TNR: variants seen among roughly 807,000 people sequenced by gnomAD.
TNR encodes the protein tenascin R.
In TNR, 45 loss-of-function variants were observed where a neutral mutation model predicts 150.4. The ratio of observed to expected loss-of-function variants is 0.30; its 90% confidence interval spans 0.24 to 0.38. The LOEUF (loss-of-function observed/expected upper bound fraction) is 0.38. TNR is among the 10% of genes least tolerant of loss of function. The probability of loss-of-function intolerance (pLI) is 1.00; values close to 1 mark genes in which losing one functional copy is unlikely to be tolerated. For missense variants in TNR, 1,544 were observed against 1,759.1 expected (o/e 0.88, Z 2.19); for synonymous variants, 687 against 678.4 (o/e 1.01, Z -0.20).
intron 18 of TNR, among the ~76,000 whole-genome samples, chr1:175,338,099 A>G (rs1220629705): frequency 6.6e-6 from 1 of 152,244 alleles, no homozygotes; most frequent in Non-Finnish European, 1.5e-5. Context: ...ATGGGCCAAA[A>G]TAAATCACTG....
chr1:175,348,716 C>G (rs146907326), intron 18 of TNR, among the ~76,000 whole-genome samples: 6 of 152,136 alleles, frequency 3.9e-5, no homozygotes, highest in African/African-American at 1.2e-4. Context: ...AGAACTGGTT[C>G]ACTATAGAAA....
chr1:175,550,733 T>A (rs1660906174), intron 1 of TNR, among the ~76,000 whole-genome samples: 2 of 143,016 alleles, frequency 1.4e-5, no homozygotes, highest in African/African-American at 2.6e-5. Context: ...TAGAAAAAAA[T>A]CAAAACAAAG....
At chr1:175,337,763 A>G (rs1650319375) in intron 18 of TNR, 84 bp from the exon 19 acceptor site, 3 of 1,490,960 alleles carry the variant, frequency 2.0e-6, no homozygotes, top group Non-Finnish European at 1.8e-6. Context: ...AGGTCTTAGC[A>G]GGCCTCCTGG....
At chr1:175,585,776 T>C (rs946500031) in intron 1 of TNR, among the ~76,000 whole-genome samples, 3 of 152,142 alleles carry the variant, frequency 2.0e-5, no homozygotes, top group African/African-American at 7.2e-5. Context: ...TCCTTCCTTC[T>C]CTCTTTCTCC....
chr1:175,527,973 C>T (rs1659912669), intron 2 of TNR, among the ~76,000 whole-genome samples: 1 of 152,212 alleles, frequency 6.6e-6, no homozygotes, highest in Non-Finnish European at 1.5e-5. Context: ...TCAAGTCTAG[C>T]TTCTTGGAGG....
chr1:175,390,253 G>A (rs565605361), intron 7 of TNR, among the ~76,000 whole-genome samples: 1 of 152,304 alleles, frequency 6.6e-6, no homozygotes, highest in Admixed American at 6.5e-5. Context: ...ATTGTGTTGT[G>A]GTTCTCATCT....
chr1:175,739,279 A>T (rs1191497675), intron 1 of TNR, among the ~76,000 whole-genome samples: 1 of 152,190 alleles, frequency 6.6e-6, no homozygotes, highest in Non-Finnish European at 1.5e-5. Context: ...ACCTGGACAC[A>T]TTTTAAGCTC....
At chr1:175,619,680 G>A (rs1389450043) in intron 1 of TNR, among the ~76,000 whole-genome samples, 1 of 152,236 alleles carries the variant, frequency 6.6e-6, no homozygotes, top group Admixed American at 6.5e-5. Context: ...TAGAGTTCCA[G>A]AGATGTTGTG....
intron 14 of TNR, among the ~76,000 whole-genome samples, chr1:175,360,836 C>T (rs1475383943): frequency 6.6e-6 from 1 of 152,180 alleles, no homozygotes; most frequent in African/African-American, 2.4e-5. Flanking sequence ...ACAAACATGA[C>T]ACCCTGAAGG....
intron 20 of TNR, among the ~76,000 whole-genome samples, chr1:175,330,829 C>G (rs1036008802): frequency 6.6e-6 from 1 of 152,182 alleles, no homozygotes; most frequent in Non-Finnish European, 1.5e-5. Context: ...TCTAATCTGC[C>G]TGCTACATTT....
intron 2 of TNR, among the ~76,000 whole-genome samples, chr1:175,510,816 G>A (rs1373099480): frequency 6.6e-6 from 1 of 152,198 alleles, no homozygotes; most frequent in East Asian, 1.9e-4. Flanking sequence ...AGCTTCCCCT[G>A]AAGTGATAGT....
chr1:175,503,486 G>A (rs529184874), intron 2 of TNR, among the ~76,000 whole-genome samples: 2 of 152,206 alleles, frequency 1.3e-5, no homozygotes, highest in Admixed American at 1.3e-4. Flanking sequence ...TTATGTCTTC[G>A]TCTATGGTAT....
At chr1:175,614,226 A>G (rs1663691865) in intron 1 of TNR, among the ~76,000 whole-genome samples, 1 of 152,182 alleles carries the variant, frequency 6.6e-6, no homozygotes, top group African/African-American at 2.4e-5. Flanking sequence ...AGGAAGAGAG[A>G]GAGAGGTGTG....
chr1:175,693,674 G>A (rs185756895), intron 1 of TNR, among the ~76,000 whole-genome samples: 2 of 152,292 alleles, frequency 1.3e-5, no homozygotes, highest in Admixed American at 1.3e-4. Flanking sequence ...TGCCACATAG[G>A]ACTGAGAATG....
chr1:175,436,762 C>G (rs1655530528), intron 2 of TNR, among the ~76,000 whole-genome samples: 1 of 152,110 alleles, frequency 6.6e-6, no homozygotes, highest in South Asian at 2.1e-4. Flanking sequence ...TTCTTTAAAC[C>G]AACAAAGATC....
At chr1:175,375,669 C>A (rs1427643721) in intron 9 of TNR, among the ~76,000 whole-genome samples, 1 of 152,138 alleles carries the variant, frequency 6.6e-6, no homozygotes, top group East Asian at 1.9e-4. Context: ...ACAACGGCTT[C>A]TGCAGGGAAT....
chr1:175,421,331 A>C (rs1654749453), intron 2 of TNR, among the ~76,000 whole-genome samples: 1 of 152,120 alleles, frequency 6.6e-6, no homozygotes, highest in Admixed American at 6.5e-5. Context: ...TAATAGGAAA[A>C]CCTATTGCTT....
chr1:175,465,365 C>T (rs1278949802), intron 2 of TNR, among the ~76,000 whole-genome samples: 1 of 152,180 alleles, frequency 6.6e-6, no homozygotes, highest in Non-Finnish European at 1.5e-5. Flanking sequence ...CGATAAATGC[C>T]AGCTATTATT....
intron 2 of TNR, among the ~76,000 whole-genome samples, chr1:175,431,917 C>CTCTCTCTCTCTCTCCT (rs1181454676): frequency 3.3e-5 from 5 of 151,762 alleles, no homozygotes; most frequent in Admixed American, 6.6e-5. Context: ...TAATATCTCT[C>CTCTCTCTCTCTCTCCT]TCTCTCTCTC....
Sources: allele counts gnomAD v4.1 joint callset (sites outside exome capture counted in the v4.1 genomes callset), GRCh38; gene constraint gnomAD v4.1.1; transcripts MANE v1.5; gene names NCBI Gene and HGNC (gene_info 2026-07-23, HGNC 2026-07-21).